The following NUBPL variants were observed in gnomAD, a reference collection of about 807,000 sequenced individuals.
NUBPL encodes iron-sulfur cluster transfer protein NUBPL.
A neutral mutation model predicts 45.7 loss-of-function variants in NUBPL; 31 were observed. The ratio of observed to expected loss-of-function variants is 0.68; its 90% CI spans 0.51 to 0.92. NUBPL has a LOEUF of 0.92. Ranked by LOEUF, NUBPL falls within the 40% of genes least tolerant of loss-of-function variation. The pLI is 0.00. For synonymous variants in NUBPL, 144 were observed against 140.9 expected, an observed-to-expected ratio of 1.02 and a Z score of -0.15; for missense variants, 401 against 398.7, an observed-to-expected ratio of 1.01 and a Z score of -0.05.
intron 6 of NUBPL, among the ~76,000 whole-genome samples, chr14:31,706,052 T>C (rs1307416186): frequency 6.6e-6 from 1 of 152,032 alleles, no homozygotes; most frequent in East Asian, 1.9e-4. Context: ...CCATAGCGCA[T>C]CGGCAGGCTG....
chr14:31,630,426 G>A (rs2035312262), intron 4 of NUBPL, among the ~76,000 whole-genome samples: 1 of 152,130 alleles, frequency 6.6e-6, no homozygotes, highest in Non-Finnish European at 1.5e-5. Context: ...ATTAGGCTAG[G>A]CTAATCAGTG....
At chr14:31,764,251 G>T (rs2038870710) in intron 6 of NUBPL, among the ~76,000 whole-genome samples, 1 of 152,132 alleles carries the variant, frequency 6.6e-6, no homozygotes, top group African/African-American at 2.4e-5. Flanking sequence ...ATTTGGGTAG[G>T]ATATAATGAT....
chr14:31,729,179 T>G (rs932649494), intron 6 of NUBPL, among the ~76,000 whole-genome samples: 1 of 151,144 alleles, frequency 6.6e-6, no homozygotes, highest in Non-Finnish European at 1.5e-5. Flanking sequence ...CTTGGGAGGC[T>G]GAGGCAAGAG....
intron 4 of NUBPL, among the ~76,000 whole-genome samples, chr14:31,673,007 CA>C (rs2036608211): frequency 1.3e-5 from 2 of 152,146 alleles, no homozygotes; most frequent in African/African-American, 4.8e-5. Context: ...TTCAGTTAGA[CA>C]GGGGGAATAA....
chr14:31,767,876 A>G (rs999665867), intron 6 of NUBPL, among the ~76,000 whole-genome samples: 1 of 152,142 alleles, frequency 6.6e-6, no homozygotes, highest in Non-Finnish European at 1.5e-5. Flanking sequence ...ACATGTCTAC[A>G]TACGTACATA....
chr14:31,640,332 T>C (rs2035650256), intron 4 of NUBPL, among the ~76,000 whole-genome samples: 1 of 152,106 alleles, frequency 6.6e-6, no homozygotes. Flanking sequence ...GGGGCCAGGC[T>C]TGGTGGCTCA....
At chr14:31,812,433 C>T (rs565305611) in intron 7 of NUBPL, among the ~76,000 whole-genome samples, 31 of 152,180 alleles carry the variant, frequency 2.0e-4, no homozygotes, top group Non-Finnish European at 3.7e-4. Flanking sequence ...GCAAGAGATC[C>T]GCTTAGCCAG....
chr14:31,587,495 G>A (rs959930280), intron 3 of NUBPL, among the ~76,000 whole-genome samples: 1 of 152,194 alleles, frequency 6.6e-6, no homozygotes, highest in African/African-American at 2.4e-5. Flanking sequence ...TTAGCTTACA[G>A]TAAGTATGTG....
At chr14:31,839,962 G>A (rs990775776) in intron 8 of NUBPL, among the ~76,000 whole-genome samples, 1 of 152,136 alleles carries the variant, frequency 6.6e-6, no homozygotes, top group East Asian at 1.9e-4. Context: ...AAAAGTGTTG[G>A]CGAGGATGTG....
intron 7 of NUBPL, among the ~76,000 whole-genome samples, chr14:31,802,764 G>T (rs1406578652): frequency 6.6e-6 from 1 of 152,170 alleles, no homozygotes; most frequent in Non-Finnish European, 1.5e-5. Flanking sequence ...TGATAATGAG[G>T]TGATGTCCTT....
chr14:31,850,271 G>A, intron 10 of NUBPL, 70 bp downstream of exon 10: 1 of 1,208,994 alleles, frequency 8.3e-7, no homozygotes, highest in East Asian at 2.3e-5. Context: ...AAGAAAGTTG[G>A]GAAGATTAAG....
At chr14:31,596,138 C>T (rs1238720971) in intron 3 of NUBPL, among the ~76,000 whole-genome samples, 1 of 152,022 alleles carries the variant, frequency 6.6e-6, no homozygotes. Flanking sequence ...GATCTCCTGA[C>T]CTTGTGATCC....
chr14:31,806,214 C>A (rs910319021), intron 7 of NUBPL, among the ~76,000 whole-genome samples: 3 of 152,128 alleles, frequency 2.0e-5, no homozygotes, highest in Non-Finnish European at 4.4e-5. Flanking sequence ...CATATAAAGT[C>A]TCTGTCTCTA....
intron 3 of NUBPL, among the ~76,000 whole-genome samples, chr14:31,589,744 C>T (rs1183016413): frequency 6.6e-6 from 1 of 152,152 alleles, no homozygotes; most frequent in Non-Finnish European, 1.5e-5. Flanking sequence ...CCGTCCAACC[C>T]CTGCCATATT....
intron 8 of NUBPL, among the ~76,000 whole-genome samples, chr14:31,839,829 G>A (rs1055024521): frequency 6.6e-6 from 1 of 152,094 alleles, no homozygotes; most frequent in African/African-American, 2.4e-5. Flanking sequence ...TGGCCAACAG[G>A]TATGTGAAAA....
chr14:31,706,779 G>A (rs1055261725), intron 6 of NUBPL, among the ~76,000 whole-genome samples: 1 of 152,228 alleles, frequency 6.6e-6, no homozygotes, highest in African/African-American at 2.4e-5. Flanking sequence ...CTTTGAGAGT[G>A]TGTGGCAGTA....
chr14:31,757,444 T>C (rs543078062), intron 6 of NUBPL, among the ~76,000 whole-genome samples: 5,849 of 151,038 alleles, frequency 0.039, 292 homozygotes, highest in African/African-American at 0.11. Flanking sequence ...GTGTATATGT[T>C]GAGGAATTTA....
intron 6 of NUBPL, among the ~76,000 whole-genome samples, chr14:31,718,054 A>G (rs2037728325): frequency 6.6e-6 from 1 of 152,210 alleles, no homozygotes. Flanking sequence ...TTTGAGAGCT[A>G]GAAGATGCTT....
chr14:31,753,258 G>T (rs1192818366), intron 6 of NUBPL, among the ~76,000 whole-genome samples: 1 of 152,178 alleles, frequency 6.6e-6, no homozygotes, highest in Non-Finnish European at 1.5e-5. Context: ...GGCCATGGTT[G>T]CCAGTGGCAG....
Sources: allele counts gnomAD v4.1 joint callset (sites outside exome capture counted in the v4.1 genomes callset), GRCh38; gene constraint gnomAD v4.1.1; transcripts MANE v1.5; gene names NCBI Gene and HGNC (gene_info 2026-07-23, HGNC 2026-07-21).